Variants in FTO observed in about 807,000 individuals in gnomAD.
The protein encoded by FTO is alpha-ketoglutarate-dependent dioxygenase FTO.
Under a neutral mutation model 63.9 loss-of-function variants are expected in FTO, and 47 were observed. The observed-to-expected ratio is 0.74, with a 90% confidence interval of 0.58 to 0.94. The LOEUF (loss-of-function observed/expected upper bound fraction) is 0.94, where lower values mean the gene tolerates loss of function less well. Among genes scored for constraint, FTO ranks in the 40% least tolerant of loss-of-function variants. The pLI is 0.00. For missense variants in FTO, 562 were observed against 618.1 expected, an observed-to-expected ratio of 0.91 and a Z score of 0.96; for synonymous variants, 207 against 224.4, an observed-to-expected ratio of 0.92 and a Z score of 0.69.
intron 8 of FTO, among the ~76,000 whole-genome samples, chr16:54,011,782 G>A (rs755674900): frequency 2.6e-5 from 4 of 152,116 alleles, no homozygotes; most frequent in Admixed American, 6.5e-5. Context: ...CCTGTGATCC[G>A]TGATCTTTCA....
chr16:53,749,631 G>C (rs1002267691), intron 1 of FTO, among the ~76,000 whole-genome samples: 1 of 151,848 alleles, frequency 6.6e-6, no homozygotes, highest in Non-Finnish European at 1.5e-5. Context: ...AGTAGAGACG[G>C]GGTTTCACCG....
intron 1 of FTO, among the ~76,000 whole-genome samples, chr16:53,808,476 C>T (rs1039277034): frequency 6.6e-6 from 1 of 152,168 alleles, no homozygotes; most frequent in Non-Finnish European, 1.5e-5. Context: ...TTTTGTGTCT[C>T]TCAGGGTCAA....
intron 1 of FTO, among the ~76,000 whole-genome samples, chr16:53,740,665 T>C (rs1286391819): frequency 6.6e-6 from 1 of 152,192 alleles, no homozygotes; most frequent in Non-Finnish European, 1.5e-5. Flanking sequence ...CTGAAAATGT[T>C]ATCTCTGGCT....
At chr16:53,751,166 T>C (rs895360154) in intron 1 of FTO, among the ~76,000 whole-genome samples, 1 of 138,408 alleles carries the variant, frequency 7.2e-6, no homozygotes, top group African/African-American at 3.1e-5. Context: ...CCCAGCACTT[T>C]GGGAGGCCAA....
intron 3 of FTO, among the ~76,000 whole-genome samples, chr16:53,836,903 A>C (rs904833832): frequency 1.3e-5 from 2 of 152,154 alleles, no homozygotes; most frequent in Non-Finnish European, 2.9e-5. Flanking sequence ...ACTCTGGATC[A>C]AGCTTTACCT....
At chr16:53,797,428 C>G (rs909455292) in intron 1 of FTO, among the ~76,000 whole-genome samples, 1 of 152,138 alleles carries the variant, frequency 6.6e-6, no homozygotes, top group African/African-American at 2.4e-5. Context: ...TAGGGGGAGG[C>G]CTGTCTTCCG....
chr16:53,896,744 C>T (rs572784170), intron 7 of FTO, among the ~76,000 whole-genome samples: 7 of 152,298 alleles, frequency 4.6e-5, no homozygotes, highest in African/African-American at 1.4e-4. Flanking sequence ...ACCGAGTCTT[C>T]CTTATTGACA....
intron 8 of FTO, among the ~76,000 whole-genome samples, chr16:54,102,533 T>A (rs2665270): frequency 0.21 from 32,505 of 151,578 alleles, 4,050 homozygotes; most frequent in African/African-American, 0.34. Context: ...CAACCTAGAG[T>A]GACCCCATCT....
At chr16:53,719,965 C>T (rs1251561212) in intron 1 of FTO, among the ~76,000 whole-genome samples, 2 of 151,790 alleles carry the variant, frequency 1.3e-5, no homozygotes, top group Non-Finnish European at 1.5e-5. Flanking sequence ...CCCCAATGTC[C>T]GCAGAGTCTT....
At chr16:53,796,961 G>A (rs1378006134) in intron 1 of FTO, among the ~76,000 whole-genome samples, 1 of 152,152 alleles carries the variant, frequency 6.6e-6, no homozygotes, top group African/African-American at 2.4e-5. Context: ...GTGGTTCTGG[G>A]CAGCTACTAA....
At chr16:53,852,274 T>C (rs990787797) in intron 4 of FTO, among the ~76,000 whole-genome samples, 9 of 151,282 alleles carry the variant, frequency 5.9e-5, no homozygotes, top group Non-Finnish European at 7.4e-5. Context: ...AGACCTTGTC[T>C]CAAAAAAAAA....
At chr16:54,075,313 G>T (rs566166334) in intron 8 of FTO, among the ~76,000 whole-genome samples, 106 of 152,174 alleles carry the variant, frequency 7.0e-4, no homozygotes, top group African/African-American at 2.4e-3. Flanking sequence ...TTTAAAAATG[G>T]TTTGTTCGCC....
intron 7 of FTO, among the ~76,000 whole-genome samples, chr16:53,916,787 A>G (rs1266470710): frequency 6.6e-6 from 1 of 152,244 alleles, no homozygotes; most frequent in African/African-American, 2.4e-5. Flanking sequence ...CATAAATGTG[A>G]AAATAGCCTT....
At chr16:54,011,971 T>G (rs1379686008) in intron 8 of FTO, among the ~76,000 whole-genome samples, 2 of 152,174 alleles carry the variant, frequency 1.3e-5, no homozygotes, top group Non-Finnish European at 1.5e-5. Context: ...TTAATAAAGT[T>G]ATAGCGTCCT....
chr16:53,878,502 T>C (rs1206354662), intron 5 of FTO, among the ~76,000 whole-genome samples: 2 of 152,312 alleles, frequency 1.3e-5, no homozygotes, highest in South Asian at 4.1e-4. Context: ...TTCCCAGGCT[T>C]GTTGATGTCG....
chr16:53,848,971 TTTG>T (rs1177332083), intron 4 of FTO, among the ~76,000 whole-genome samples: 1 of 152,218 alleles, frequency 6.6e-6, no homozygotes, highest in Non-Finnish European at 1.5e-5. Flanking sequence ...CTTTCAAGTA[TTTG>T]TTGTTACTAT....
intron 8 of FTO, among the ~76,000 whole-genome samples, chr16:53,947,864 T>TA (rs1244066978): frequency 6.6e-6 from 1 of 152,208 alleles, no homozygotes; most frequent in East Asian, 1.9e-4. Flanking sequence ...ATGCTAGCTT[T>TA]AAAAGCTTTG....
At chr16:54,097,765 T>C (rs1239272984) in intron 8 of FTO, among the ~76,000 whole-genome samples, 2 of 152,012 alleles carry the variant, frequency 1.3e-5, no homozygotes, top group East Asian at 1.9e-4. Flanking sequence ...CACACACAAA[T>C]GGCATCAAGT....
intron 5 of FTO, among the ~76,000 whole-genome samples, chr16:53,877,322 A>G (rs902826448): frequency 1.5e-4 from 23 of 152,272 alleles, no homozygotes; most frequent in African/African-American, 5.3e-4. Context: ...ATGGATAAAT[A>G]AAACGTGGCA....
Sources: gnomAD v4.1 joint callset for allele counts (sites outside exome capture counted in the v4.1 genomes callset) on GRCh38, gnomAD v4.1.1 for gene constraint, MANE v1.5 for transcripts, NCBI Gene and HGNC (gene_info 2026-07-23, HGNC 2026-07-21) for gene names.